The following ASH2L variants were observed in gnomAD, a reference collection of about 807,000 sequenced individuals.
The protein encoded by ASH2L is set1/Ash2 histone methyltransferase complex subunit ASH2.
ASH2L carries 30 observed loss-of-function variants against 81.1 expected under a neutral mutation model. The ratio of observed to expected loss-of-function variants is 0.37; its 90% CI spans 0.28 to 0.50. The LOEUF is 0.50. Among genes scored for constraint, ASH2L ranks in the 20% least tolerant of loss-of-function variants. The pLI is 0.95. For missense variants in ASH2L, 559 were observed against 792.1 expected, an observed-to-expected ratio of 0.71 and a Z score of 3.53; for synonymous variants, 273 against 279.9, an observed-to-expected ratio of 0.98 and a Z score of 0.24.
In ASH2L at chr8:38,133,628, C is replaced by A. The variant is rs940103573; in HGVS notation, c.1620+82C>A. The A allele has an allele frequency of 1.1e-5, 12 of 1,138,998 alleles. No homozygotes were observed. The East Asian group carries it at 2.0e-4, about 19-fold the overall frequency. The allele number at this position is 1,138,998 out of a possible 1,614,324, so 70.6% of individuals were successfully genotyped here. ...TCCTTCATTATAAAAGTGAGGAACACGAGGCCCAAAGGGGAATGAAGGGGC... is the reference window on the plus strand; with the variant it reads ...TCCTTCATTATAAAAGTGAGGAACAAGAGGCCCAAAGGGGAATGAAGGGGC... On this transcript the variant is annotated intron_variant, in intron 13 of 15. Coordinates refer to ENST00000343823, the MANE Select transcript of ASH2L (RefSeq NM_004674.5).
intron 10 of ASH2L, 130 bp from the exon 11 acceptor site, chr8:38,128,161 C>A: frequency 9.1e-7 from 1 of 1,094,708 alleles, no homozygotes; most frequent in Non-Finnish European, 1.3e-6. Context: ...AACTCCTCAA[C>A]TAATATTTCA....
chr8:38,105,782 G>C (rs773265766), intron 1 of ASH2L, 44 bp downstream of exon 1: 3 of 1,495,708 alleles, frequency 2.0e-6, no homozygotes, highest in African/African-American at 2.9e-5. Flanking sequence ...AGGGAGGCCC[G>C]CCCCTCGCGA....
intron 2 of ASH2L, 21 bp downstream of exon 2, chr8:38,106,465 G>C: frequency 6.3e-7 from 1 of 1,588,900 alleles, no homozygotes; most frequent in Non-Finnish European, 8.6e-7. Context: ...TTAGTTGTTT[G>C]CAAGACAAAA....
intron 11 of ASH2L, 97 bp from the exon 12 acceptor site, chr8:38,128,661 A>T: frequency 6.5e-7 from 1 of 1,537,298 alleles, no homozygotes; most frequent in Non-Finnish European, 8.7e-7. Context: ...TACAAAATTG[A>T]CCAAAAAACA....
chr8:38,114,192 G>A lies in ASH2L; in HGVS notation c.586G>A (p.Asp196Asn). The stretch of plus-strand genomic sequence containing the variant: ...AGTCTTAATTTATTTTGAAAATTAG[G>A]ATATTATACCATTTATTGATAAATA... ...HPKTMFSKDK[D>N]IIPFIDKYWE... Residue 196 changes from aspartate (D) to asparagine (N), a missense_variant and splice_region_variant, in exon 6 of 16, where the codon GAT becomes AAT. Physicochemically the swap from Asp to Asn is conservative, Grantham distance 23 (BLOSUM62 1). Transcript: ENST00000343823. 4 of 1,541,840 alleles carry A rather than the reference G, an allele frequency of 2.6e-6. No homozygotes were observed. The highest frequency in any genetic ancestry group is 3.5e-6 in the Non-Finnish European group (4 of 1,137,006).
chr8:38,137,326 C>T (rs1402891390), intron 14 of ASH2L, among the ~76,000 whole-genome samples: 1 of 140,350 alleles, frequency 7.1e-6, no homozygotes, highest in African/African-American at 2.7e-5. Context: ...GCGGGCCGAT[C>T]ATGAGGTCAG....
At chr8:38,106,093 G>A in intron 1 of ASH2L, 1 of 1,525,096 alleles carries the variant, frequency 6.6e-7, no homozygotes. Context: ...AACAGGGTGG[G>A]AGAGCTGCCT....
chr8:38,134,503 C>G (rs1262181237), intron 13 of ASH2L, among the ~76,000 whole-genome samples: 2 of 152,148 alleles, frequency 1.3e-5, no homozygotes, highest in Non-Finnish European at 2.9e-5. Flanking sequence ...CAGTGTCCTT[C>G]AGAACTTTCT....
intron 3 of ASH2L, among the ~76,000 whole-genome samples, chr8:38,108,517 T>TA (rs11285350): frequency 0.82 from 118,777 of 145,144 alleles, 48,476 homozygotes; most frequent in Middle Eastern, 0.9. Context: ...GGTATCAAGT[T>TA]AAAAAAAAAA....
intron 14 of ASH2L, 191 bp from the exon 15 acceptor site, chr8:38,138,625 T>C: frequency 1.8e-6 from 1 of 551,062 alleles, no homozygotes; most frequent in East Asian, 3.0e-5. Flanking sequence ...AGATCTCTTT[T>C]AGTTACCTAA....
intron 13 of ASH2L, among the ~76,000 whole-genome samples, chr8:38,135,282 AT>A (rs774486674): frequency 6.6e-6 from 1 of 152,122 alleles, no homozygotes; most frequent in South Asian, 2.1e-4. Flanking sequence ...ATCTGTCTCT[AT>A]AAAAAAATTT....
chr8:38,117,975 T>C (rs1016246886), intron 8 of ASH2L, among the ~76,000 whole-genome samples: 59 of 152,102 alleles, frequency 3.9e-4, no homozygotes, highest in African/African-American at 1.3e-3. Flanking sequence ...AGGAGAATCG[T>C]TTGAACCCAG....
intron 1 of ASH2L, 89 bp downstream of exon 1, chr8:38,105,827 C>T (rs1810398730): frequency 1.4e-6 from 2 of 1,460,820 alleles, no homozygotes; most frequent in Non-Finnish European, 1.8e-6. Context: ...CGCCCGCCCC[C>T]TGCGAACCCA....
intron 10 of ASH2L, among the ~76,000 whole-genome samples, chr8:38,123,910 G>A (rs907342029): frequency 1.4e-4 from 22 of 151,982 alleles, no homozygotes; most frequent in Non-Finnish European, 8.8e-5. Flanking sequence ...GCGTGATCTC[G>A]GCTCACTGCA....
chr8:38,129,027 A>C, intron 12 of ASH2L, 76 bp downstream of exon 12: 1 of 1,542,132 alleles, frequency 6.5e-7, no homozygotes, highest in Non-Finnish European at 8.7e-7. Flanking sequence ...GGCTTGTGTG[A>C]TCTCTTAGGA....
In ASH2L at chr8:38,128,950, A is replaced by G; in HGVS notation, c.1526A>G (p.Lys509Arg). ...AKSLPDTYKD[K>R]ALIKFKSYLY... ...TCATTGCCAGACACATACAAAGATA[A>G]GGTGAGTTTGTCCTCTCCCGGCAGA... is the stretch of plus-strand genomic sequence containing the variant. The change falls in exon 12 of 16, where the codon AAG becomes AGG. Residue 509 changes from lysine (K) to arginine (R), a missense_variant and splice_region_variant. This residue lies in a region of ASH2L where 318 missense variants were observed against 527.0 expected (regional missense o/e 0.60). Transcript: ENST00000343823. 1.2e-6 allele frequency: 2 copies of G among 1,611,990 alleles called. No individual in the cohort carries two copies. Among genetic ancestry groups the G allele is most frequent in the Non-Finnish European group, 1.7e-6 (2 of 1,179,214 alleles).
chr8:38,114,795 T>C, intron 6 of ASH2L, 110 bp from the exon 7 acceptor site: 1 of 682,258 alleles, frequency 1.5e-6, no homozygotes, highest in South Asian at 2.0e-5. Context: ...GATACTATCT[T>C]TTTTGGACAC....
intron 11 of ASH2L, 116 bp from the exon 12 acceptor site, chr8:38,128,642 A>C (rs1801947876): frequency 6.7e-7 from 1 of 1,502,766 alleles, no homozygotes; most frequent in Non-Finnish European, 8.9e-7. Flanking sequence ...GAAAGTTTTT[A>C]AGCAATTTTA....
intron 6 of ASH2L, 99 bp downstream of exon 6, chr8:38,114,386 A>G: frequency 1.3e-6 from 1 of 776,306 alleles, no homozygotes; most frequent in Admixed American, 3.0e-5. Flanking sequence ...TAAAATTAGA[A>G]CAACTTAATG....
Sources: allele counts gnomAD v4.1 joint callset (sites outside exome capture counted in the v4.1 genomes callset), GRCh38; gene constraint gnomAD v4.1.1; regional missense constraint gnomAD v4.1.1; transcripts MANE v1.5; gene names NCBI Gene and HGNC (gene_info 2026-07-23, HGNC 2026-07-21).